Variants in CYBRD1 observed in about 807,000 individuals in gnomAD.
The protein encoded by CYBRD1 is plasma membrane ascorbate-dependent reductase CYBRD1.
Under a neutral mutation model 21.9 loss-of-function variants are expected in CYBRD1, and 14 were observed. The ratio of observed to expected loss-of-function variants is 0.64; its 90% CI spans 0.42 to 1.00. CYBRD1 has a LOEUF of 1.00. Ranked by LOEUF, CYBRD1 falls within the 50% of genes least tolerant of loss-of-function variation. The pLI is 0.00. For missense variants in CYBRD1, 328 were observed against 352.5 expected (o/e 0.93, Z 0.56); for synonymous variants, 146 against 136.5 (o/e 1.07, Z -0.48).
At chr2:171,523,630 C>T (rs1023199637) in intron 1 of CYBRD1, among the ~76,000 whole-genome samples, 5 of 152,136 alleles carry the variant, frequency 3.3e-5, no homozygotes, top group Non-Finnish European at 7.4e-5. Flanking sequence ...CGTGTTTGGC[C>T]CGCGGCGAGC....
At chr2:171,523,408 G>C in intron 1 of CYBRD1, 1 of 237,708 alleles carries the variant, frequency 4.2e-6, no homozygotes, top group Non-Finnish European at 9.2e-6. Flanking sequence ...AAGCTGCCAG[G>C]ACTTCCAAGT....
rs907623892 is a variant in CYBRD1, at chr2:171,555,689, T to G, written c.*862T>G. 6.6e-6 allele frequency: 1 copy of G among 152,208 alleles called. No individual in the cohort carries two copies. The highest frequency in any genetic ancestry group is 6.5e-5 in the Admixed American group (1 of 15,270). 9.4% of individuals were successfully genotyped at this position (152,208 alleles called of 1,614,324 possible). Reference sequence around the variant, plus strand: ...ACAGCACTTACTATGCTCCAAACACTCCTCTAAGCACTTTACACATATTAG... The same window carrying G: ...ACAGCACTTACTATGCTCCAAACACGCCTCTAAGCACTTTACACATATTAG... On this transcript the variant is annotated 3_prime_UTR_variant, in exon 4 of 4. Coordinates refer to ENST00000321348, the MANE Select transcript of CYBRD1 (RefSeq NM_024843.4).
At chr2:171,543,062 A>G (rs1243931987) in intron 2 of CYBRD1, among the ~76,000 whole-genome samples, 1 of 152,164 alleles carries the variant, frequency 6.6e-6, no homozygotes, top group African/African-American at 2.4e-5. Flanking sequence ...AAAGGTAAAA[A>G]AAAATCCATA....
At chr2:171,523,571 GGC>G (rs1214446653) in intron 1 of CYBRD1, among the ~76,000 whole-genome samples, 1 of 152,180 alleles carries the variant, frequency 6.6e-6, no homozygotes, top group Non-Finnish European at 1.5e-5. Context: ...GCGGCTGCCT[GGC>G]ACCGAGGGAT....
intron 2 of CYBRD1, 82 bp from the exon 3 acceptor site, chr2:171,553,264 T>G (rs958525533): frequency 2.0e-6 from 3 of 1,512,362 alleles, no homozygotes. Flanking sequence ...TTTGTCATAT[T>G]ACACATATTG....
chr2:171,538,405 G>A (rs932184077), intron 1 of CYBRD1, among the ~76,000 whole-genome samples: 2 of 152,196 alleles, frequency 1.3e-5, no homozygotes, highest in African/African-American at 4.8e-5. Context: ...GTAGGGGTGA[G>A]AGGGGGCCTT....
intron 2 of CYBRD1, among the ~76,000 whole-genome samples, chr2:171,547,433 CT>C (rs1697733051): frequency 9.1e-6 from 1 of 110,264 alleles, no homozygotes; most frequent in Non-Finnish European, 1.9e-5. Context: ...CATTTGGGTG[CT>C]CTTTTTTTTT....
intron 1 of CYBRD1, among the ~76,000 whole-genome samples, chr2:171,533,364 T>A (rs1279520078): frequency 1.3e-5 from 2 of 152,216 alleles, no homozygotes. Context: ...AGAGACTCTG[T>A]CTCAGAAAAC....
chr2:171,554,565 T>C lies in CYBRD1; in HGVS notation c.599T>C (p.Phe200Ser). The change falls in exon 4 of 4, where the codon TTC becomes TCC. Residue 200 changes from phenylalanine (F) to serine (S), a missense_variant. Transcript: ENST00000321348. ...AGTACATTCCCGCCAGAAGGTGTTT[T>C]CGTAAATACGCTTGGCCTTCTGATC... ...AYSTFPPEGVFVNTLGLLILV... is the reference protein window; with the variant it reads ...AYSTFPPEGVSVNTLGLLILV... 6.2e-7 allele frequency: 1 copy of C among 1,613,936 alleles called. No individual in the cohort carries two copies. The highest frequency in any genetic ancestry group is 1.7e-5 in the Admixed American group (1 of 59,980).
Position 171,554,946 on chromosome 2 carries a change from A to C in CYBRD1, c.*119A>C. ...AGTATCAATATTTACTTTAATCACAAAGGATGGTTTCTTGAAATAATTTGT... is the reference window on the plus strand; with the variant it reads ...AGTATCAATATTTACTTTAATCACACAGGATGGTTTCTTGAAATAATTTGT... On this transcript the variant is annotated 3_prime_UTR_variant, in exon 4 of 4. Coordinates refer to ENST00000321348, the MANE Select transcript of CYBRD1 (RefSeq NM_024843.4). 1.8e-6 allele frequency: 2 copies of C among 1,099,754 alleles called. No individual in the cohort carries two copies. Among genetic ancestry groups the C allele is most frequent in the Non-Finnish European group, 2.7e-6 (2 of 745,706 alleles). 68.1% of individuals were successfully genotyped at this position (1,099,754 alleles called of 1,614,324 possible).
chr2:171,530,964 C>G lies in CYBRD1; in HGVS notation c.193+8226C>G, dbSNP rs750238329. 6.5e-4 allele frequency among the ~76,000 whole-genome samples: 98 copies of G among 151,782 alleles called. 1 individual carries two copies. Among genetic ancestry groups the G allele is most frequent in the Non-Finnish European group, 1.0e-3 (71 of 67,936 alleles). On this transcript the variant is annotated intron_variant, in intron 1 of 3. Coordinates refer to ENST00000321348, the MANE Select transcript of CYBRD1 (RefSeq NM_024843.4). The stretch of plus-strand genomic sequence containing the variant: ...AGCCAAGTAGGGAGACAAGCCTGGG[C>G]AACATGGTGAAACCCCATCTCTACA...
At chr2:171,549,678 T>C (rs1697771097) in intron 2 of CYBRD1, among the ~76,000 whole-genome samples, 1 of 152,252 alleles carries the variant, frequency 6.6e-6, no homozygotes, top group Non-Finnish European at 1.5e-5. Flanking sequence ...CAAATGTAGA[T>C]ATAGATATTT....
chr2:171,535,774 G>A (rs1271025171), intron 1 of CYBRD1, among the ~76,000 whole-genome samples: 1 of 152,102 alleles, frequency 6.6e-6, no homozygotes, highest in African/African-American at 2.4e-5. Context: ...GAGTAGCTGG[G>A]ACTATAGGCA....
intron 2 of CYBRD1, among the ~76,000 whole-genome samples, chr2:171,544,055 C>G (rs1451844285): frequency 1.3e-5 from 2 of 152,130 alleles, no homozygotes; most frequent in African/African-American, 4.8e-5. Context: ...TTATGAGTTC[C>G]CATATCCTTA....
chr2:171,548,636 C>T (rs1361051967), intron 2 of CYBRD1, among the ~76,000 whole-genome samples: 4 of 136,658 alleles, frequency 2.9e-5, no homozygotes, highest in African/African-American at 1.1e-4. Flanking sequence ...ATTAAATCTA[C>T]CTGTACCCTA....
intron 1 of CYBRD1, among the ~76,000 whole-genome samples, chr2:171,535,639 CTTTA>C (rs1205850346): frequency 2.6e-5 from 4 of 152,200 alleles, no homozygotes; most frequent in Non-Finnish European, 4.4e-5. Context: ...GAATTTTTGG[CTTTA>C]TTTATTTATT....
chr2:171,551,155 C>A (rs1170542791), intron 2 of CYBRD1: 1 of 155,680 alleles, frequency 6.4e-6, no homozygotes, highest in South Asian at 2.1e-4. Context: ...CGCCATGTTG[C>A]CCGGGCTTGT....
intron 1 of CYBRD1, among the ~76,000 whole-genome samples, chr2:171,533,764 T>A (rs528195476): frequency 1.4e-5 from 2 of 138,638 alleles, no homozygotes; most frequent in South Asian, 4.7e-4. Context: ...TTTTCTTTCT[T>A]TCTTTCTTTT....
chr2:171,525,370 A>G (rs1697369380), intron 1 of CYBRD1, among the ~76,000 whole-genome samples: 1 of 152,228 alleles, frequency 6.6e-6, no homozygotes, highest in African/African-American at 2.4e-5. Context: ...TTTAATTGAC[A>G]TGAGCATAAA....
Sources: gnomAD v4.1 joint callset for allele counts (sites outside exome capture counted in the v4.1 genomes callset) on GRCh38, gnomAD v4.1.1 for gene constraint, MANE v1.5 for transcripts, NCBI Gene and HGNC (gene_info 2026-07-23, HGNC 2026-07-21) for gene names.